SUMF1: variants seen among roughly 807,000 people sequenced by gnomAD.
SUMF1 encodes sulfatase modifying factor 1.
Under a neutral mutation model 47.6 loss-of-function variants are expected in SUMF1, and 48 were observed. That is an observed-to-expected ratio of 1.01 (90% CI 0.80 to 1.28). SUMF1 has a LOEUF of 1.28. Ranked by LOEUF, SUMF1 falls within the 50% of genes most tolerant of loss-of-function variation. The pLI is 0.00. For synonymous variants in SUMF1, 230 were observed against 192.1 expected, an observed-to-expected ratio of 1.20 and a Z score of -1.63; for missense variants, 571 against 485.4, an observed-to-expected ratio of 1.18 and a Z score of -1.66.
chr3:4,306,129 A>C (rs182977452), intron 8 of SUMF1, among the ~76,000 whole-genome samples: 1 of 152,166 alleles, frequency 6.6e-6, no homozygotes, highest in African/African-American at 2.4e-5. Context: ...ATTAGCTTCA[A>C]TATTCCTGCC....
At chr3:4,410,780 C>A in intron 7 of SUMF1, 85 bp downstream of exon 7, 5 of 1,209,452 alleles carry the variant, frequency 4.1e-6, no homozygotes, top group South Asian at 1.2e-5. Flanking sequence ...AAATACCCCT[C>A]GGAAACACAT....
In SUMF1 at chr3:4,039,008, A is replaced by C. The variant is rs569484941; in HGVS notation, c.1191+29561T>G. On this transcript the variant is annotated intron_variant and NMD_transcript_variant, in intron 9 of 12. Transcript: ENST00000448413. ...AACAAAATAGCATATCATAATATTT[A>C]CATTTTGTTTGAAAAGAGAACTACC... Among the ~76,000 whole-genome samples the C allele has an allele frequency of 4.6e-5, 7 of 152,284 alleles. No individual in the cohort carries two copies. The South Asian group carries it at 1.5e-3, about 32-fold the overall frequency.
At chr3:4,385,418 T>C (rs1020913445) in intron 7 of SUMF1, among the ~76,000 whole-genome samples, 4 of 152,202 alleles carry the variant, frequency 2.6e-5, no homozygotes, top group Non-Finnish European at 5.9e-5. Context: ...ATGCCATCTG[T>C]GTATCTTCTT....
At chr3:4,179,299 C>T (rs1695040236) in intron 8 of SUMF1, among the ~76,000 whole-genome samples, 2 of 152,104 alleles carry the variant, frequency 1.3e-5, no homozygotes, top group South Asian at 2.1e-4. Flanking sequence ...TACAAGGCTT[C>T]AGTAACCAAA....
At chr3:4,109,918 C>G (rs1318108605) in intron 8 of SUMF1, among the ~76,000 whole-genome samples, 1 of 152,140 alleles carries the variant, frequency 6.6e-6, no homozygotes, top group East Asian at 1.9e-4. Flanking sequence ...GCCTTCTTCT[C>G]TCAACTCGTC....
intron 3 of SUMF1, among the ~76,000 whole-genome samples, chr3:4,433,661 CTG>C (rs1702306265): frequency 6.6e-6 from 1 of 152,246 alleles, no homozygotes; most frequent in Non-Finnish European, 1.5e-5. Flanking sequence ...CATACCAGGT[CTG>C]AGCCCTGCTG....
At chr3:4,087,836 A>T (rs1439700234) in intron 8 of SUMF1, among the ~76,000 whole-genome samples, 1 of 152,144 alleles carries the variant, frequency 6.6e-6, no homozygotes, top group Non-Finnish European at 1.5e-5. Context: ...TAATCATGAG[A>T]TTCTAAACTG....
At chr3:4,349,349 G>C (rs1699439242) in intron 8 of SUMF1, among the ~76,000 whole-genome samples, 1 of 152,222 alleles carries the variant, frequency 6.6e-6, no homozygotes, top group South Asian at 2.1e-4. Flanking sequence ...GGCTAGTGAG[G>C]CTGTGGAGAA....
At chr3:4,263,803 T>C (rs1014102250) in intron 8 of SUMF1, among the ~76,000 whole-genome samples, 12 of 152,182 alleles carry the variant, frequency 7.9e-5, no homozygotes, top group African/African-American at 2.4e-4. Flanking sequence ...TAAATTATAG[T>C]AGTCTTGTGC....
At chr3:4,088,341 G>C (rs1692715475) in intron 8 of SUMF1, among the ~76,000 whole-genome samples, 1 of 151,972 alleles carries the variant, frequency 6.6e-6, no homozygotes, top group South Asian at 2.1e-4. Context: ...TCACTGCTTG[G>C]TCCACCAGGT....
At chr3:4,135,089 A>C (rs1693893594) in intron 8 of SUMF1, among the ~76,000 whole-genome samples, 1 of 152,146 alleles carries the variant, frequency 6.6e-6, no homozygotes, top group African/African-American at 2.4e-5. Flanking sequence ...TCCAATCAAT[A>C]GAAAAAGAGG....
chr3:4,389,742 C>T lies in SUMF1; in HGVS notation c.955-13353G>A, dbSNP rs573176831. Among the ~76,000 whole-genome samples, 10 of 152,270 alleles carry T rather than the reference C, an allele frequency of 6.6e-5. No homozygotes were observed. In the South Asian group the frequency reaches 2.1e-3, roughly 32 times the overall value. On this transcript the variant is annotated intron_variant, in intron 7 of 8. Transcript: ENST00000272902. ...TTTTCCCCCCTCTGTGCCCTCCATT[C>T]TGCTGTTGAGCCCATACACTGAGCT...
chr3:4,299,052 A>T (rs1164558314), intron 8 of SUMF1, among the ~76,000 whole-genome samples: 1 of 152,220 alleles, frequency 6.6e-6, no homozygotes, highest in African/African-American at 2.4e-5. Flanking sequence ...TATGTTTCTT[A>T]ATTATACTAT....
intron 8 of SUMF1, among the ~76,000 whole-genome samples, chr3:4,173,031 A>G (rs186283550): frequency 1.2e-4 from 19 of 152,260 alleles, no homozygotes; most frequent in Admixed American, 1.1e-3. Flanking sequence ...ATTTCTGTAT[A>G]AGGTGTAAGG....
intron 1 of SUMF1, among the ~76,000 whole-genome samples, chr3:4,460,599 AGTGTGT>A (rs144375913): frequency 7.7e-5 from 11 of 143,602 alleles, no homozygotes; most frequent in South Asian, 2.2e-4. Context: ...TCACACACAC[AGTGTGT>A]GTGTGTGTGT....
chr3:4,053,145 T>C (rs1331753272), intron 9 of SUMF1, among the ~76,000 whole-genome samples: 5 of 152,248 alleles, frequency 3.3e-5, no homozygotes, highest in Non-Finnish European at 7.4e-5. Context: ...TGCAGGGCTA[T>C]TAATGGGCCT....
intron 8 of SUMF1, among the ~76,000 whole-genome samples, chr3:4,259,089 G>T (rs1403896675): frequency 7.0e-6 from 1 of 142,598 alleles, no homozygotes; most frequent in African/African-American, 2.6e-5. Context: ...CAGGAAGGGG[G>T]ATATCACACT....
chr3:4,250,509 C>T (rs965867412), intron 8 of SUMF1, among the ~76,000 whole-genome samples: 1 of 151,806 alleles, frequency 6.6e-6, no homozygotes, highest in African/African-American at 2.4e-5. Flanking sequence ...GGTAGCGACA[C>T]TGAACAACAG....
chr3:4,125,676 T>C (rs965755368), intron 8 of SUMF1, among the ~76,000 whole-genome samples: 3 of 152,066 alleles, frequency 2.0e-5, no homozygotes, highest in Non-Finnish European at 4.4e-5. Flanking sequence ...TAATCAATTA[T>C]TATTTGTTTA....
Sources: gnomAD v4.1 joint callset for allele counts (sites outside exome capture counted in the v4.1 genomes callset) on GRCh38, gnomAD v4.1.1 for gene constraint, MANE v1.5 for transcripts, NCBI Gene and HGNC (gene_info 2026-07-23, HGNC 2026-07-21) for gene names.